Variants in ZNF44 observed in about 807,000 individuals in gnomAD.
The protein encoded by ZNF44 is zinc finger protein 44, also known as gonadotropin inducible transcription repressor-2.
ZNF44 carries 9 observed loss-of-function variants against 11.7 expected under a neutral mutation model. That is an observed-to-expected ratio of 0.77 (90% CI 0.46 to 1.35). The LOEUF (loss-of-function observed/expected upper bound fraction) is 1.35, where lower values mean the gene tolerates loss of function less well. ZNF44 is among the 40% of genes most tolerant of loss of function. The pLI is 0.00. For synonymous variants in ZNF44, 224 were observed against 242.7 expected (o/e 0.92, Z 0.72); for missense variants, 696 against 743.1 (o/e 0.94, Z 0.74).
chr19:12,289,790 C>T (rs978726255), intron 1 of ZNF44, among the ~76,000 whole-genome samples: 1 of 151,710 alleles, frequency 6.6e-6, no homozygotes, highest in Admixed American at 6.6e-5. Flanking sequence ...CGCCAGCATG[C>T]CTGGCTAATT....
chr19:12,224,914 G>C (rs999404895), downstream of ZNF44: 14 of 152,310 alleles, frequency 9.2e-5, no homozygotes, highest in African/African-American at 3.4e-4. Flanking sequence ...GCAGGAGAGG[G>C]GTTATCCCGA....
chr19:12,291,858 G>A (rs1968020521), intron 1 of ZNF44, among the ~76,000 whole-genome samples: 1 of 151,702 alleles, frequency 6.6e-6, no homozygotes, highest in African/African-American at 2.4e-5. Flanking sequence ...CAGGCATGGT[G>A]GCATGTTCCT....
chr19:12,275,820 G>T, intron 2 of ZNF44, 136 bp downstream of exon 2: 2 of 1,133,618 alleles, frequency 1.8e-6, no homozygotes, highest in Non-Finnish European at 2.4e-6. Context: ...ACAACAGGTT[G>T]GGGCCTGGCA....
At chr19:12,239,489 C>T (rs1381735017), upstream of ZNF44, among the ~76,000 whole-genome samples, 1 of 146,044 alleles carries the variant, frequency 6.8e-6, no homozygotes, top group Admixed American at 6.9e-5. Context: ...GTCCTGCCCT[C>T]AAGTGATCCT....
chr19:12,229,767 C>T (rs192980311), intron 3 of ZNF44, among the ~76,000 whole-genome samples: 5 of 152,200 alleles, frequency 3.3e-5, no homozygotes, highest in African/African-American at 1.2e-4. Flanking sequence ...TGCCCGCCAG[C>T]ACACCCGGCT....
At chr19:12,277,173 T>G (rs1416372991) in intron 1 of ZNF44, among the ~76,000 whole-genome samples, 2 of 152,218 alleles carry the variant, frequency 1.3e-5, no homozygotes, top group Admixed American at 6.5e-5. Flanking sequence ...TGTTGTTGTT[T>G]TTTCAATGTC....
intron 3 of ZNF44, among the ~76,000 whole-genome samples, chr19:12,228,676 TA>T (rs1916023613): frequency 6.6e-6 from 1 of 152,102 alleles, no homozygotes; most frequent in Non-Finnish European, 1.5e-5. Flanking sequence ...ATTTACCATA[TA>T]AAATTTTTAA....
rs1966984438 is a variant in ZNF44, at chr19:12,272,341, G to A, written c.*66C>T. ...AGGCTTTACCACGTTTACATTCACA[G>A]GATTTATTTCTTTCAAGTATCTGAA... On this transcript the variant is annotated 3_prime_UTR_variant, in exon 4 of 4. Transcript: ENST00000355684. 5 of 1,446,104 alleles carry A rather than the reference G, an allele frequency of 3.5e-6. No individual in the cohort carries two copies. In the South Asian group the frequency reaches 7.9e-5, roughly 23 times the overall value. The allele number at this position is 1,446,104 out of a possible 1,614,324, so 89.6% of individuals were successfully genotyped here.
intron 1 of ZNF44, among the ~76,000 whole-genome samples, chr19:12,290,699 C>CAAATAAATAAAT (rs201422087): frequency 1.1e-4 from 16 of 149,920 alleles, no homozygotes; most frequent in African/African-American, 2.0e-4. Context: ...GACTCTACCT[C>CAAATAAATAAAT]AAATAAATAA....
At chr19:12,282,351 A>G (rs1019828274) in intron 1 of ZNF44, among the ~76,000 whole-genome samples, 1 of 152,094 alleles carries the variant, frequency 6.6e-6, no homozygotes, top group African/African-American at 2.4e-5. Context: ...GCTCCCTGCC[A>G]AGATAAAGAA....
chr19:12,244,605 C>T (rs1599493757), downstream of ZNF44: 2 of 152,600 alleles, frequency 1.3e-5, no homozygotes, highest in African/African-American at 4.8e-5. Context: ...TAACAAACCT[C>T]CATCAGACAA....
At chr19:12,277,647 A>G (rs1181175175) in intron 1 of ZNF44, among the ~76,000 whole-genome samples, 3 of 152,246 alleles carry the variant, frequency 2.0e-5, no homozygotes, top group Non-Finnish European at 4.4e-5. Context: ...GTGAAAAATG[A>G]TAGAAAAGCC....
intron 1 of ZNF44, among the ~76,000 whole-genome samples, chr19:12,291,484 G>GT (rs2071249637): frequency 6.6e-6 from 1 of 152,126 alleles, no homozygotes; most frequent in Non-Finnish European, 1.5e-5. Flanking sequence ...GTAAATAAAA[G>GT]TTTTTTAAAA....
At chr19:12,283,028 C>T (rs1027657806) in intron 1 of ZNF44, among the ~76,000 whole-genome samples, 1 of 152,176 alleles carries the variant, frequency 6.6e-6, no homozygotes, top group Non-Finnish European at 1.5e-5. Flanking sequence ...ATAAAGGCAT[C>T]CAACTTGTAA....
chr19:12,294,728 C>T lies in ZNF44; in HGVS notation c.-34G>A. The T allele has an allele frequency of 7.7e-6, 12 of 1,553,698 alleles. No individual in the cohort carries two copies. The highest frequency in any genetic ancestry group is 1.2e-5 in the South Asian group (1 of 83,928). ...TGTGCGGTGTCCCGGGTCCTCCCAACTCCCGTAGTCAGGGTAGGTCCCAGC... is the reference window on the plus strand; with the variant it reads ...TGTGCGGTGTCCCGGGTCCTCCCAATTCCCGTAGTCAGGGTAGGTCCCAGC... On this transcript the variant is annotated 5_prime_UTR_variant, in exon 1 of 4. Transcript: ENST00000355684.
At chr19:12,242,667 C>CA (rs35818337), downstream of ZNF44, 61,398 of 91,770 alleles carry the variant, frequency 0.67, 20,214 homozygotes, top group Non-Finnish European at 0.74. Flanking sequence ...CTTGTCTCTC[C>CA]AAAAAAAAAA....
At chr19:12,266,987 G>A (rs141777821), downstream of ZNF44, among the ~76,000 whole-genome samples, 956 of 152,112 alleles carry the variant, frequency 6.3e-3, 7 homozygotes, top group African/African-American at 0.022. Flanking sequence ...GCTGTTGGTG[G>A]CATGGCGAAG....
chr19:12,254,825 C>T (rs967017681), intron 5 of ZNF44, among the ~76,000 whole-genome samples: 6 of 152,136 alleles, frequency 3.9e-5, no homozygotes, highest in African/African-American at 1.2e-4. Context: ...GTGGCTCACG[C>T]CTATAATCCC....
chr19:12,268,213 C>G (rs114045713), downstream of ZNF44, among the ~76,000 whole-genome samples: 1 of 151,626 alleles, frequency 6.6e-6, no homozygotes, highest in African/African-American at 2.4e-5. Context: ...CACAAAGATA[C>G]TCTCCTACAT....
Sources: allele counts gnomAD v4.1 joint callset (sites outside exome capture counted in the v4.1 genomes callset), GRCh38; gene constraint gnomAD v4.1.1; transcripts MANE v1.5; gene names NCBI Gene and HGNC (gene_info 2026-07-23, HGNC 2026-07-21).